Variants in CNOT2 observed in about 807,000 individuals in gnomAD.
The protein encoded by CNOT2 is CC chemokine receptor 4-negative regulator of transcription 2.
Under a neutral mutation model 72.1 loss-of-function variants are expected in CNOT2, and 7 were observed. The ratio of observed to expected loss-of-function variants is 0.10; its 90% CI spans 0.06 to 0.18. The LOEUF (loss-of-function observed/expected upper bound fraction) is 0.18. Among genes scored for constraint, CNOT2 ranks in the 10% least tolerant of loss-of-function variants. The pLI is 1.00. For missense variants in CNOT2, 345 were observed against 660.3 expected, an observed-to-expected ratio of 0.52 and a Z score of 5.23; for synonymous variants, 196 against 225.6, an observed-to-expected ratio of 0.87 and a Z score of 1.17.
intron 4 of CNOT2, chr12:70,322,444 T>G (rs929268285): frequency 6.6e-6 from 1 of 151,788 alleles, no homozygotes; most frequent in Non-Finnish European, 1.5e-5. Context: ...TTACCTTTTC[T>G]TAGTTACCAA....
chr12:70,339,650 A>C (rs1174633599), intron 11 of CNOT2, among the ~76,000 whole-genome samples: 1 of 152,172 alleles, frequency 6.6e-6, no homozygotes, highest in African/African-American at 2.4e-5. Flanking sequence ...GTAGGCTCTT[A>C]ATTCTACCAG....
chr12:70,278,393 G>T, intron 2 of CNOT2, 119 bp downstream of exon 2: 3 of 599,304 alleles, frequency 5.0e-6, no homozygotes, highest in Non-Finnish European at 8.4e-6. Flanking sequence ...GAAAATTTGG[G>T]TTTATAATTT....
intron 1 of CNOT2, among the ~76,000 whole-genome samples, chr12:70,260,529 T>G (rs1958694208): frequency 6.6e-6 from 1 of 152,130 alleles, no homozygotes; most frequent in African/African-American, 2.4e-5. Flanking sequence ...TTATAAAACA[T>G]TACTATTAAT....
rs573378930 is a variant in CNOT2, at chr12:70,289,011, C to T, written c.48+10737C>T. Among the ~76,000 whole-genome samples the T allele has an allele frequency of 1.9e-4, 29 of 151,794 alleles. 1 individual carries two copies. The highest frequency in any genetic ancestry group is 9.8e-4 in the Admixed American group (15 of 15,258). Reference sequence around the variant, plus strand: ...TTCTTATCCCTTTCTTCTCTCCTTTCGCTTTTTTTTTATTCCCTCCCTTGC... The same window carrying T: ...TTCTTATCCCTTTCTTCTCTCCTTTTGCTTTTTTTTTATTCCCTCCCTTGC... On this transcript the variant is annotated intron_variant, in intron 2 of 15. Coordinates refer to ENST00000229195, the MANE Select transcript of CNOT2 (RefSeq NM_014515.7).
intron 1 of CNOT2, among the ~76,000 whole-genome samples, chr12:70,251,021 GT>G (rs1400200588): frequency 6.6e-6 from 1 of 152,144 alleles, no homozygotes; most frequent in Non-Finnish European, 1.5e-5. Flanking sequence ...GGGGTGGTCT[GT>G]CTGGAGTACT....
chr12:70,311,589 A>G (rs1055435529), intron 3 of CNOT2, among the ~76,000 whole-genome samples: 1 of 152,056 alleles, frequency 6.6e-6, no homozygotes, highest in African/African-American at 2.4e-5. Context: ...TAGTTCAATA[A>G]TCCCATTTGG....
At chr12:70,284,232 C>T (rs1262031637) in intron 2 of CNOT2, among the ~76,000 whole-genome samples, 2 of 150,920 alleles carry the variant, frequency 1.3e-5, no homozygotes, top group Admixed American at 1.3e-4. Flanking sequence ...AGGTGTGATC[C>T]ACTATGCCCA....
chr12:70,270,909 C>T (rs950106017), intron 1 of CNOT2, among the ~76,000 whole-genome samples: 2 of 151,826 alleles, frequency 1.3e-5, no homozygotes, highest in African/African-American at 2.4e-5. Context: ...GTGAATGGTT[C>T]GGAAGGACTT....
chr12:70,310,350 C>A (rs1336400933), intron 2 of CNOT2, among the ~76,000 whole-genome samples: 2 of 151,930 alleles, frequency 1.3e-5, no homozygotes, highest in Non-Finnish European at 2.9e-5. Flanking sequence ...CCAGTATGAT[C>A]AATGAAAGAT....
intron 1 of CNOT2, among the ~76,000 whole-genome samples, chr12:70,276,694 A>G (rs1018757471): frequency 7.2e-5 from 11 of 152,030 alleles, no homozygotes; most frequent in African/African-American, 2.7e-4. Flanking sequence ...ATAATAGTAA[A>G]TATGCTTTAA....
At chr12:70,351,585 T>A (rs1882870329) in intron 15 of CNOT2, among the ~76,000 whole-genome samples, 1 of 152,208 alleles carries the variant, frequency 6.6e-6, no homozygotes, top group Non-Finnish European at 1.5e-5. Flanking sequence ...AAAATGTACA[T>A]TGATAAAGTT....
chr12:70,313,354 A>G (rs953244086), intron 3 of CNOT2, among the ~76,000 whole-genome samples: 3 of 152,024 alleles, frequency 2.0e-5, no homozygotes, highest in Non-Finnish European at 2.9e-5. Context: ...TATATGTAGT[A>G]TACGTATATT....
chr12:70,315,605 A>T (rs1405692563), intron 3 of CNOT2, among the ~76,000 whole-genome samples: 1 of 152,188 alleles, frequency 6.6e-6, no homozygotes, highest in Non-Finnish European at 1.5e-5. Context: ...ATATTAAAGG[A>T]TAAAGAAGTT....
At chr12:70,329,922 A>G (rs1001382350) in intron 5 of CNOT2, among the ~76,000 whole-genome samples, 22 of 152,028 alleles carry the variant, frequency 1.4e-4, no homozygotes, top group East Asian at 3.9e-4. Flanking sequence ...CATTGCTCTA[A>G]TGAGCATAAA....
chr12:70,284,580 T>C (rs1451062344), intron 2 of CNOT2, among the ~76,000 whole-genome samples: 1 of 148,974 alleles, frequency 6.7e-6, no homozygotes, highest in Non-Finnish European at 1.5e-5. Flanking sequence ...TTTGACCTTT[T>C]TTTTTTTTTT....
At chr12:70,340,075 C>T (rs763656096) in intron 11 of CNOT2, among the ~76,000 whole-genome samples, 38 of 152,116 alleles carry the variant, frequency 2.5e-4, no homozygotes, top group Admixed American at 1.4e-3. Context: ...CCCTTTGAAG[C>T]GAAACTTTTC....
At chr12:70,283,188 T>A (rs1283641366) in intron 2 of CNOT2, among the ~76,000 whole-genome samples, 1 of 152,184 alleles carries the variant, frequency 6.6e-6, no homozygotes, top group Non-Finnish European at 1.5e-5. Flanking sequence ...ATCTTACAGC[T>A]GATGGTGACT....
chr12:70,281,940 G>A (rs1869935855), intron 2 of CNOT2, among the ~76,000 whole-genome samples: 1 of 129,158 alleles, frequency 7.7e-6, no homozygotes, highest in African/African-American at 2.7e-5. Flanking sequence ...AATGGCTACT[G>A]TATTGAACAG....
chr12:70,352,502 G>A (rs115554281), intron 15 of CNOT2, among the ~76,000 whole-genome samples: 3,316 of 152,062 alleles, frequency 0.022, 78 homozygotes, highest in Admixed American at 0.047. Flanking sequence ...TATAGTCTAG[G>A]TTTTCATTTT....
Sources: gnomAD v4.1 joint callset for allele counts (sites outside exome capture counted in the v4.1 genomes callset) on GRCh38, gnomAD v4.1.1 for gene constraint, MANE v1.5 for transcripts, NCBI Gene and HGNC (gene_info 2026-07-23, HGNC 2026-07-21) for gene names.